Variants in FHIT observed in about 807,000 individuals in gnomAD.
The protein encoded by FHIT is bis(5'-adenosyl)-triphosphatase.
FHIT carries 19 observed loss-of-function variants against 17.9 expected under a neutral mutation model. The ratio of observed to expected loss-of-function variants is 1.06; its 90% confidence interval spans 0.74 to 1.56. The LOEUF is 1.56. Ranked by LOEUF, FHIT falls within the 40% of genes most tolerant of loss-of-function variation. The pLI, the probability that FHIT is intolerant of heterozygous loss-of-function variation, is 0.00. For synonymous variants in FHIT, 81 were observed against 69.7 expected (o/e 1.16, Z -0.81); for missense variants, 248 against 189.2 (o/e 1.31, Z -1.82).
At chr3:60,601,498 A>G (rs1260518701) in intron 4 of FHIT, among the ~76,000 whole-genome samples, 1 of 152,176 alleles carries the variant, frequency 6.6e-6, no homozygotes, top group Non-Finnish European at 1.5e-5. Context: ...AGAATAGGGA[A>G]GACAAACTAG....
At chr3:61,181,792 G>C (rs2038352343) in intron 2 of FHIT, among the ~76,000 whole-genome samples, 1 of 151,986 alleles carries the variant, frequency 6.6e-6, no homozygotes, top group African/African-American at 2.4e-5. Flanking sequence ...TCTTTGTTTT[G>C]ACAATTTTTC....
intron 3 of FHIT, among the ~76,000 whole-genome samples, chr3:60,927,712 C>G (rs981233816): frequency 6.6e-6 from 1 of 151,600 alleles, no homozygotes; most frequent in South Asian, 2.1e-4. Context: ...GCCCGGCAGC[C>G]GCCCCGTCTG....
intron 5 of FHIT, among the ~76,000 whole-genome samples, chr3:60,275,851 T>C (rs1395900190): frequency 6.6e-6 from 1 of 152,208 alleles, no homozygotes; most frequent in East Asian, 1.9e-4. Context: ...CAATCTGTAG[T>C]TGTGAAATTA....
chr3:60,829,193 C>T (rs550302492), intron 3 of FHIT, among the ~76,000 whole-genome samples: 2 of 152,294 alleles, frequency 1.3e-5, no homozygotes, highest in African/African-American at 4.8e-5. Context: ...AGATATGATC[C>T]ATGCCTGCAT....
At chr3:60,250,798 T>A (rs1482837470) in intron 5 of FHIT, among the ~76,000 whole-genome samples, 2 of 152,184 alleles carry the variant, frequency 1.3e-5, no homozygotes, top group South Asian at 4.1e-4. Context: ...TGATTTTCAA[T>A]CGACAATGAG....
rs766492945 is a variant in FHIT at position 60,606,301 on chromosome 3, C to T, written c.-17-69322G>A. Reference sequence around the variant, plus strand: ...TGTCACCCAGGCTGGAGTGCAGTGACGCAATCTTAGCTCACTGCAACCTCT... The same window carrying T: ...TGTCACCCAGGCTGGAGTGCAGTGATGCAATCTTAGCTCACTGCAACCTCT... On this transcript the variant is annotated intron_variant, in intron 4 of 9. Transcript: ENST00000492590. Among the ~76,000 whole-genome samples the T allele has an allele frequency of 5.7e-4, 86 of 150,770 alleles. 1 individual carries two copies. The highest frequency in any genetic ancestry group is 9.7e-4 in the Non-Finnish European group (66 of 67,782).
chr3:60,009,332 G>A (rs1317451017), intron 7 of FHIT, among the ~76,000 whole-genome samples: 4 of 151,960 alleles, frequency 2.6e-5, no homozygotes, highest in African/African-American at 9.7e-5. Flanking sequence ...ACAACTGAAA[G>A]ATGTGCAAAA....
At chr3:60,275,389 C>T (rs760683687) in intron 5 of FHIT, among the ~76,000 whole-genome samples, 4 of 152,186 alleles carry the variant, frequency 2.6e-5, no homozygotes, top group Non-Finnish European at 4.4e-5. Flanking sequence ...GCAGTACCTG[C>T]CTTAAAGTAA....
chr3:60,483,077 A>C (rs2033683324), intron 5 of FHIT, among the ~76,000 whole-genome samples: 1 of 152,202 alleles, frequency 6.6e-6, no homozygotes, highest in Admixed American at 6.5e-5. Context: ...TAGAAAATCT[A>C]GAAGAAATGG....
intron 8 of FHIT, among the ~76,000 whole-genome samples, chr3:59,835,174 G>A (rs1701297523): frequency 2.0e-5 from 3 of 152,124 alleles, no homozygotes; most frequent in African/African-American, 7.2e-5. Context: ...ATCAGCCTGG[G>A]CCAAAATAGT....
chr3:60,672,909 A>ATGTGTGTGTGTGTG (rs1559630040), intron 4 of FHIT, among the ~76,000 whole-genome samples: 77 of 145,796 alleles, frequency 5.3e-4, no homozygotes, highest in Non-Finnish European at 9.3e-4. Context: ...GTGTGTGTGC[A>ATGTGTGTGTGTGTG]TGCATGCTCT....
chr3:60,490,638 T>G (rs1459563559), intron 5 of FHIT, among the ~76,000 whole-genome samples: 1 of 150,448 alleles, frequency 6.6e-6, no homozygotes, highest in Admixed American at 6.6e-5. Flanking sequence ...ATTCAGGCAG[T>G]AATTTCATTA....
chr3:61,202,903 G>A (rs372156303), intron 1 of FHIT, among the ~76,000 whole-genome samples: 89 of 152,130 alleles, frequency 5.9e-4, no homozygotes, highest in African/African-American at 9.6e-4. Context: ...AATACAGGCC[G>A]GGCGCGGTGG....
intron 5 of FHIT, among the ~76,000 whole-genome samples, chr3:60,147,028 T>C (rs548909549): frequency 6.6e-6 from 1 of 152,206 alleles, no homozygotes; most frequent in Non-Finnish European, 1.5e-5. Context: ...CAATCCTTTA[T>C]TTTCCTTTCA....
intron 3 of FHIT, among the ~76,000 whole-genome samples, chr3:60,861,829 A>G (rs782147219): frequency 6.6e-6 from 1 of 151,924 alleles, no homozygotes; most frequent in Non-Finnish European, 1.5e-5. Flanking sequence ...TAGTTTGTGT[A>G]GTCCCAGCTA....
chr3:60,510,595 T>C (rs187367985), intron 5 of FHIT, among the ~76,000 whole-genome samples: 25 of 149,840 alleles, frequency 1.7e-4, no homozygotes, highest in African/African-American at 5.6e-4. Flanking sequence ...GAAAATGAGA[T>C]CTCATGGGAG....
At chr3:59,884,308 A>G (rs1214905979) in intron 8 of FHIT, among the ~76,000 whole-genome samples, 1 of 152,222 alleles carries the variant, frequency 6.6e-6, no homozygotes, top group Non-Finnish European at 1.5e-5. Flanking sequence ...TAAAATTTAT[A>G]ATAAGCAGTC....
chr3:59,922,459 G>T (rs1705456052), intron 7 of FHIT, 45 bp from the exon 8 acceptor site: 1 of 1,515,486 alleles, frequency 6.6e-7, no homozygotes, highest in South Asian at 1.1e-5. Flanking sequence ...ATCTCCCCAT[G>T]TATTTTTAGA....
intron 3 of FHIT, among the ~76,000 whole-genome samples, chr3:60,928,321 A>T (rs1336329759): frequency 3.7e-5 from 5 of 136,814 alleles, no homozygotes; most frequent in Admixed American, 7.3e-5. Flanking sequence ...TAAAAAAATT[A>T]AAAAAAAAAA....
Sources: gnomAD v4.1 joint callset for allele counts (sites outside exome capture counted in the v4.1 genomes callset) on GRCh38, gnomAD v4.1.1 for gene constraint, MANE v1.5 for transcripts, NCBI Gene and HGNC (gene_info 2026-07-23, HGNC 2026-07-21) for gene names.